The following HIVEP3 variants were observed in gnomAD, a reference collection of about 807,000 sequenced individuals.
HIVEP3 encodes the protein HIVEP zinc finger 3.
In HIVEP3, 49 loss-of-function variants were observed where a neutral mutation model predicts 152.8. The observed-to-expected ratio is 0.32, with a 90% CI of 0.26 to 0.41. The LOEUF (loss-of-function observed/expected upper bound fraction) is 0.41, where lower values mean the gene tolerates loss of function less well. Among genes scored for constraint, HIVEP3 ranks in the 10% least tolerant of loss-of-function variants. The pLI is 1.00. For missense variants in HIVEP3, 2,790 were observed against 3,103.3 expected, an observed-to-expected ratio of 0.90 and a Z score of 2.40; for synonymous variants, 1,269 against 1,289.0, an observed-to-expected ratio of 0.98 and a Z score of 0.33.
At chr1:41,718,103 C>T (rs986086039) in intron 1 of HIVEP3, among the ~76,000 whole-genome samples, 3 of 152,250 alleles carry the variant, frequency 2.0e-5, no homozygotes, top group African/African-American at 7.2e-5. Flanking sequence ...CCAAGCACGG[C>T]TTCTCCATAT....
At chr1:41,643,460 G>A (rs565887095) in intron 2 of HIVEP3, among the ~76,000 whole-genome samples, 1 of 152,360 alleles carries the variant, frequency 6.6e-6, no homozygotes, top group South Asian at 2.1e-4. Context: ...ATGCTGAACA[G>A]ACGAGTGCAT....
At chr1:41,515,469 T>C (rs1354724852) in intron 7 of HIVEP3, among the ~76,000 whole-genome samples, 1 of 152,176 alleles carries the variant, frequency 6.6e-6, no homozygotes, top group Non-Finnish European at 1.5e-5. Context: ...AACTTTGTAG[T>C]TATGCCCCAG....
At chr1:41,843,760 A>AT (rs948473099) in intron 1 of HIVEP3, among the ~76,000 whole-genome samples, 4 of 152,058 alleles carry the variant, frequency 2.6e-5, no homozygotes, top group South Asian at 2.1e-4. Flanking sequence ...ACACATTCTG[A>AT]TTTTTTTTAT....
At chr1:41,675,198 C>A (rs938826334) in intron 2 of HIVEP3, among the ~76,000 whole-genome samples, 4 of 152,158 alleles carry the variant, frequency 2.6e-5, no homozygotes, top group Non-Finnish European at 5.9e-5. Context: ...CCAAATTCTT[C>A]CACATGGTGT....
chr1:41,952,201 T>C (rs1460154109), intron 1 of HIVEP3, among the ~76,000 whole-genome samples: 1 of 152,206 alleles, frequency 6.6e-6, no homozygotes, highest in East Asian at 1.9e-4. Context: ...ATTTAACCCC[T>C]AAGTCAACAT....
chr1:41,845,007 C>T (rs1416596245), intron 1 of HIVEP3, among the ~76,000 whole-genome samples: 1 of 152,156 alleles, frequency 6.6e-6, no homozygotes, highest in African/African-American at 2.4e-5. Context: ...CTTTGCACTG[C>T]CTCTTCCCTC....
At position 41,510,294 on chromosome 1, in the gene HIVEP3, G is replaced by T. The variant is rs143605265; in HGVS notation, c.*157C>A. The T allele has an allele frequency of 1.9e-5, 9 of 483,850 alleles. No individual in the cohort carries two copies. Among genetic ancestry groups the T allele is most frequent in the Admixed American group, 1.2e-4 (3 of 24,104 alleles). 30.0% of individuals were successfully genotyped at this position (483,850 alleles called of 1,614,324 possible). A position where few individuals can be genotyped will look rare whatever the true frequency, so the allele number is the denominator to read the frequency against. On this transcript the variant is annotated 3_prime_UTR_variant, in exon 9 of 9. Transcript: ENST00000372583. ...ACAAAAGGTGTAGAAAAAGGCACAGGTAACTGCATACATGGGAAGGTACAA... is the reference window on the plus strand; with the variant it reads ...ACAAAAGGTGTAGAAAAAGGCACAGTTAACTGCATACATGGGAAGGTACAA...
At chr1:42,024,596 T>C (rs1645572016) in intron 1 of HIVEP3, among the ~76,000 whole-genome samples, 2 of 152,244 alleles carry the variant, frequency 1.3e-5, no homozygotes, top group Admixed American at 6.5e-5. Flanking sequence ...TTGTCTTTCA[T>C]TTCTAAATAT....
At chr1:41,985,652 G>T (rs1645318143) in intron 1 of HIVEP3, among the ~76,000 whole-genome samples, 1 of 152,194 alleles carries the variant, frequency 6.6e-6, no homozygotes, top group African/African-American at 2.4e-5. Flanking sequence ...ACACGAAGAT[G>T]AGTTCTGCTA....
chr1:41,628,020 C>T (rs1440151132), intron 3 of HIVEP3, among the ~76,000 whole-genome samples: 2 of 152,184 alleles, frequency 1.3e-5, no homozygotes, highest in African/African-American at 4.8e-5. Flanking sequence ...GCTTCTAACA[C>T]TGCACACCTA....
At chr1:41,705,693 A>C (rs1481162374) in intron 1 of HIVEP3, among the ~76,000 whole-genome samples, 1 of 152,228 alleles carries the variant, frequency 6.6e-6, no homozygotes, top group Non-Finnish European at 1.5e-5. Context: ...GAAAATAGAC[A>C]GAATGCTTTT....
intron 1 of HIVEP3, among the ~76,000 whole-genome samples, chr1:41,725,241 A>G (rs1473293790): frequency 6.6e-6 from 1 of 152,220 alleles, no homozygotes; most frequent in Non-Finnish European, 1.5e-5. Context: ...GCTTCGGGAC[A>G]TGCAGACATG....
intron 1 of HIVEP3, among the ~76,000 whole-genome samples, chr1:41,863,248 G>A (rs1231681170): frequency 2.0e-5 from 3 of 152,190 alleles, no homozygotes; most frequent in Non-Finnish European, 4.4e-5. Flanking sequence ...CGTAAGGTGG[G>A]GGTGATCCCA....
At chr1:41,707,781 T>C (rs1646455975) in intron 1 of HIVEP3, among the ~76,000 whole-genome samples, 1 of 152,196 alleles carries the variant, frequency 6.6e-6, no homozygotes, top group African/African-American at 2.4e-5. Context: ...GAAAGCCATA[T>C]ATGATAGAGT....
chr1:41,960,080 C>T (rs748095706), intron 1 of HIVEP3, among the ~76,000 whole-genome samples: 10 of 152,114 alleles, frequency 6.6e-5, no homozygotes, highest in Non-Finnish European at 1.3e-4. Flanking sequence ...ACAACAACAG[C>T]CTGATAAGGG....
intron 1 of HIVEP3, among the ~76,000 whole-genome samples, chr1:41,831,312 C>T (rs560321525): frequency 6.6e-6 from 1 of 152,324 alleles, no homozygotes; most frequent in African/African-American, 2.4e-5. Flanking sequence ...CTCAGGCAAG[C>T]CACCTGACTT....
At chr1:41,516,479 T>C (rs7526636) in intron 7 of HIVEP3, among the ~76,000 whole-genome samples, 15,771 of 152,224 alleles carry the variant, frequency 0.1, 2,682 homozygotes, top group African/African-American at 0.36. Context: ...TCCTTTTCGT[T>C]CTTCCCCCTC....
intron 1 of HIVEP3, among the ~76,000 whole-genome samples, chr1:41,887,618 A>G (rs1400103410): frequency 6.6e-6 from 1 of 152,204 alleles, no homozygotes; most frequent in African/African-American, 2.4e-5. Flanking sequence ...ATGAATTTGT[A>G]AACTGGATAC....
At position 41,700,917 on chromosome 1, in the gene HIVEP3, T is replaced by C. The variant is rs929903478; in HGVS notation, c.-722A>G. 7.1e-6 allele frequency: 7 copies of C among 984,642 alleles called. No homozygotes were observed. The African/African-American group carries it at 1.2e-4, about 17-fold the overall frequency. The allele number at this position is 984,642 out of a possible 1,614,324, so 61.0% of individuals were successfully genotyped here. A position where few individuals can be genotyped will look rare whatever the true frequency, so the allele number is the denominator to read the frequency against. On this transcript the variant is annotated splice_region_variant and 5_prime_UTR_variant, in exon 2 of 9. Transcript: ENST00000372583. ...CTGTGGGGGATGGGGAGGGCTCACC[T>C]GCCAAAAACCAGCCGTGGTCTCATG...
Sources: allele counts gnomAD v4.1 joint callset (sites outside exome capture counted in the v4.1 genomes callset), GRCh38; gene constraint gnomAD v4.1.1; transcripts MANE v1.5; gene names NCBI Gene and HGNC (gene_info 2026-07-23, HGNC 2026-07-21).